The following DPYD variants were observed in gnomAD, a reference collection of about 807,000 sequenced individuals.
DPYD encodes the protein dihydropyrimidine dehydrogenase, also known as dihydropyrimidine dehydrogenase [NADP(+)].
In DPYD, 109 loss-of-function variants were observed where a neutral mutation model predicts 116.2. The ratio of observed to expected loss-of-function variants is 0.94; its 90% confidence interval spans 0.80 to 1.10. The LOEUF (loss-of-function observed/expected upper bound fraction) is 1.10, where lower values mean the gene tolerates loss of function less well. Among genes scored for constraint, DPYD ranks in the 50% least tolerant of loss-of-function variants. The probability of loss-of-function intolerance (pLI) is 0.00; values close to 1 mark genes in which losing one functional copy is unlikely to be tolerated. For synonymous variants in DPYD, 440 were observed against 432.0 expected (o/e 1.02, Z -0.23); for missense variants, 1,302 against 1,254.5 (o/e 1.04, Z -0.57).
chr1:97,079,966 G>GT (rs533183204), intron 22 of DPYD, among the ~76,000 whole-genome samples: 19 of 151,502 alleles, frequency 1.3e-4, no homozygotes, highest in Non-Finnish European at 2.4e-4. Flanking sequence ...TCAGGACCGA[G>GT]TTTTTTTTAA....
chr1:97,560,524 C>A (rs1465085092), intron 11 of DPYD, among the ~76,000 whole-genome samples: 1 of 141,904 alleles, frequency 7.0e-6, no homozygotes, highest in African/African-American at 2.6e-5. Context: ...GGAAAAAAAG[C>A]AAGGCATTAC....
chr1:97,710,213 G>T (rs1011598880), intron 5 of DPYD, among the ~76,000 whole-genome samples: 1 of 151,678 alleles, frequency 6.6e-6, no homozygotes, highest in Non-Finnish European at 1.5e-5. Context: ...TGAATGTCTC[G>T]TTACCTTTTG....
At chr1:97,291,977 AT>A (rs918296629) in intron 18 of DPYD, among the ~76,000 whole-genome samples, 8 of 152,130 alleles carry the variant, frequency 5.3e-5, no homozygotes, top group African/African-American at 1.2e-4. Context: ...AACATTTTAA[AT>A]TTTTTTTACA....
At chr1:97,082,111 C>A (rs565874547) in intron 22 of DPYD, among the ~76,000 whole-genome samples, 1 of 151,978 alleles carries the variant, frequency 6.6e-6, no homozygotes, top group Non-Finnish European at 1.5e-5. Flanking sequence ...AAAAATAATT[C>A]TGTGCATTAA....
At chr1:97,201,602 T>C (rs1270339230) in intron 19 of DPYD, among the ~76,000 whole-genome samples, 5 of 152,260 alleles carry the variant, frequency 3.3e-5, no homozygotes, top group Non-Finnish European at 7.4e-5. Context: ...TGGAGATACA[T>C]AGTAAATAGG....
chr1:97,514,985 C>T (rs1014347155), intron 13 of DPYD, among the ~76,000 whole-genome samples: 4 of 151,898 alleles, frequency 2.6e-5, no homozygotes, highest in Admixed American at 6.6e-5. Context: ...TTATTACTAA[C>T]TACCAGTTAG....
intron 13 of DPYD, among the ~76,000 whole-genome samples, chr1:97,511,546 T>C (rs1647799751): frequency 6.6e-6 from 1 of 152,002 alleles, no homozygotes; most frequent in South Asian, 2.1e-4. Flanking sequence ...AATTCATTTA[T>C]ATTAATATTA....
At chr1:97,129,232 T>G (rs1653086707) in intron 20 of DPYD, among the ~76,000 whole-genome samples, 1 of 151,822 alleles carries the variant, frequency 6.6e-6, no homozygotes, top group African/African-American at 2.4e-5. Flanking sequence ...CCCAGCTAAT[T>G]TTTTGTATTT....
At position 97,474,963 on chromosome 1, in the gene DPYD, A is replaced by AG. The variant is rs1677871868; in HGVS notation, c.1741-24741_1741-24740insC. Among the ~76,000 whole-genome samples the AG allele has an allele frequency of 3.9e-5, 6 of 152,246 alleles. No individual in the cohort carries two copies. The South Asian group carries it at 1.2e-3, about 32-fold the overall frequency. ...GAAAGTTGCTAGAAAAGTTAAGAAA[A>AG]TGTAAAAAGAAGAACACAGGTCAAT... On this transcript the variant is annotated intron_variant, in intron 13 of 22. Coordinates refer to ENST00000370192, the MANE Select transcript of DPYD (RefSeq NM_000110.4).
intron 3 of DPYD, among the ~76,000 whole-genome samples, chr1:97,768,088 T>C (rs750396943): frequency 6.6e-6 from 1 of 152,116 alleles, no homozygotes; most frequent in Non-Finnish European, 1.5e-5. Flanking sequence ...GAGACAGCAA[T>C]CAGGTCCTCG....
chr1:97,804,734 A>G (rs1668002220), intron 3 of DPYD, among the ~76,000 whole-genome samples: 1 of 151,842 alleles, frequency 6.6e-6, no homozygotes, highest in Non-Finnish European at 1.5e-5. Context: ...GTAAGTGTTT[A>G]AGTGGTCACA....
chr1:97,658,055 A>G (rs1458067211), intron 8 of DPYD, among the ~76,000 whole-genome samples: 1 of 152,202 alleles, frequency 6.6e-6, no homozygotes, highest in Non-Finnish European at 1.5e-5. Context: ...CATGAGTACT[A>G]GTTTTATTCT....
intron 8 of DPYD, among the ~76,000 whole-genome samples, chr1:97,620,312 T>C (rs1293926854): frequency 6.6e-6 from 1 of 152,196 alleles, no homozygotes; most frequent in Non-Finnish European, 1.5e-5. Context: ...ATTCCTGAGC[T>C]TAAGCAATCC....
chr1:97,404,762 T>C (rs1673559114), intron 14 of DPYD, among the ~76,000 whole-genome samples: 1 of 152,016 alleles, frequency 6.6e-6, no homozygotes, highest in Admixed American at 6.6e-5. Flanking sequence ...AATTGGCGTA[T>C]TTAGATCATT....
intron 20 of DPYD, among the ~76,000 whole-genome samples, chr1:97,184,846 AT>A (rs536628985): frequency 5.2e-4 from 79 of 152,108 alleles, no homozygotes; most frequent in African/African-American, 1.8e-3. Flanking sequence ...GTGCAAGCCC[AT>A]TTTTTTCCAA....
intron 19 of DPYD, among the ~76,000 whole-genome samples, chr1:97,201,969 C>T (rs1659237905): frequency 2.0e-5 from 3 of 150,524 alleles, no homozygotes; most frequent in Admixed American, 2.0e-4. Flanking sequence ...CATCTTGTTT[C>T]CCCCAAAAGG....
At chr1:97,769,662 T>A (rs1246960090) in intron 3 of DPYD, among the ~76,000 whole-genome samples, 2 of 152,204 alleles carry the variant, frequency 1.3e-5, no homozygotes, top group Non-Finnish European at 2.9e-5. Context: ...TAAATACATG[T>A]ACTATCAAAC....
At chr1:97,130,740 T>G (rs559566930) in intron 20 of DPYD, among the ~76,000 whole-genome samples, 3 of 87,900 alleles carry the variant, frequency 3.4e-5, no homozygotes, top group Non-Finnish European at 7.7e-5. Flanking sequence ...CTTCCTTTCT[T>G]TCTTCTTTCT....
At chr1:97,299,096 A>G (rs558403897) in intron 18 of DPYD, among the ~76,000 whole-genome samples, 1 of 152,264 alleles carries the variant, frequency 6.6e-6, no homozygotes, top group African/African-American at 2.4e-5. Context: ...TGAAGCTTAC[A>G]GAGATGTGTA....
Sources: gnomAD v4.1 joint callset for allele counts (sites outside exome capture counted in the v4.1 genomes callset) on GRCh38, gnomAD v4.1.1 for gene constraint, MANE v1.5 for transcripts, NCBI Gene and HGNC (gene_info 2026-07-23, HGNC 2026-07-21) for gene names.